Variants in TAFA2 observed in about 807,000 individuals in gnomAD.
The protein encoded by TAFA2 is TAFA chemokine like family member 2, also known as chemokine-like protein TAFA-2.
A neutral mutation model predicts 18.8 loss-of-function variants in TAFA2; 7 were observed. The observed-to-expected ratio is 0.37, with a 90% CI of 0.21 to 0.70. The LOEUF (loss-of-function observed/expected upper bound fraction) is 0.70. Among genes scored for constraint, TAFA2 ranks in the 30% least tolerant of loss-of-function variants. TAFA2 has a pLI of 0.53. For synonymous variants in TAFA2, 60 were observed against 54.2 expected (o/e 1.11, Z -0.47); for missense variants, 122 against 158.1 (o/e 0.77, Z 1.23).
chr12:61,853,908 A>G (rs77912376), intron 2 of TAFA2, among the ~76,000 whole-genome samples: 3,563 of 152,208 alleles, frequency 0.023, 114 homozygotes, highest in African/African-American at 0.079. Context: ...AACTGCTTTC[A>G]CCCCTCAGCT....
chr12:61,930,003 TGTGGG>T (rs1470538832), intron 1 of TAFA2, among the ~76,000 whole-genome samples: 2 of 134,262 alleles, frequency 1.5e-5, no homozygotes, highest in African/African-American at 6.6e-5. Flanking sequence ...TGGGGACTGT[TGTGGG>T]GTGGGGGTAG....
At chr12:62,065,368 C>T (rs1404252605) in intron 1 of TAFA2, among the ~76,000 whole-genome samples, 1 of 151,994 alleles carries the variant, frequency 6.6e-6, no homozygotes, top group East Asian at 1.9e-4. Context: ...ATCAAATATT[C>T]AGCAACCTAT....
intron 1 of TAFA2, among the ~76,000 whole-genome samples, chr12:62,158,282 G>A (rs1373137684): frequency 2.0e-5 from 3 of 152,158 alleles, no homozygotes; most frequent in African/African-American, 7.2e-5. Flanking sequence ...TATTTGGAAA[G>A]GAATAAGCTG....
chr12:62,215,518 A>G (rs542506104), intron 1 of TAFA2, among the ~76,000 whole-genome samples: 1 of 139,996 alleles, frequency 7.1e-6, no homozygotes, highest in African/African-American at 2.6e-5. Context: ...GGGAAAATTT[A>G]CTGCAGCCAC....
At chr12:62,104,321 A>G (rs771333985) in intron 1 of TAFA2, among the ~76,000 whole-genome samples, 18 of 152,038 alleles carry the variant, frequency 1.2e-4, no homozygotes, top group Non-Finnish European at 2.2e-4. Flanking sequence ...TTTTTACATA[A>G]TATTGATTAA....
intron 1 of TAFA2, among the ~76,000 whole-genome samples, chr12:62,031,916 C>T (rs1410839668): frequency 2.6e-5 from 4 of 152,074 alleles, no homozygotes; most frequent in East Asian, 1.9e-4. Context: ...TTAGTTTATC[C>T]GATAAGAAAA....
At chr12:61,868,599 C>T (rs1874457615) in intron 1 of TAFA2, among the ~76,000 whole-genome samples, 1 of 152,088 alleles carries the variant, frequency 6.6e-6, no homozygotes, top group Non-Finnish European at 1.5e-5. Flanking sequence ...CCAAAACATT[C>T]TATCTCCAAA....
Position 62,231,633 on chromosome 12 carries a change from C to A in TAFA2, c.-130+27130G>T, listed in dbSNP as rs377410021. 2.6e-5 allele frequency among the ~76,000 whole-genome samples: 4 copies of A among 151,744 alleles called. No individual in the cohort carries two copies. The East Asian group carries it at 7.7e-4, about 29-fold the overall frequency. The stretch of plus-strand genomic sequence containing the variant: ...GTTACATGTTTTTTGTTTTTTTTAA[C>A]AAAATTTTCCAAATTTTATTAAGAC... On this transcript the variant is annotated intron_variant, in intron 1 of 5. Coordinates refer to the TAFA2 transcript ENST00000551619.
intron 2 of TAFA2, among the ~76,000 whole-genome samples, chr12:61,773,918 C>A (rs952611535): frequency 5.9e-5 from 9 of 151,684 alleles, no homozygotes; most frequent in Non-Finnish European, 8.8e-5. Flanking sequence ...GACAGACAAC[C>A]CACAGAGTGG....
chr12:62,174,175 C>G (rs1051369140), intron 1 of TAFA2, among the ~76,000 whole-genome samples: 2 of 151,922 alleles, frequency 1.3e-5, no homozygotes, highest in African/African-American at 4.8e-5. Flanking sequence ...GCCTGTAGTC[C>G]CAGCTACTCA....
chr12:62,179,693 T>C (rs759282707), intron 1 of TAFA2, among the ~76,000 whole-genome samples: 2 of 152,198 alleles, frequency 1.3e-5, no homozygotes, highest in Non-Finnish European at 2.9e-5. Context: ...AATGGATTTA[T>C]TCTTTTCTAA....
At chr12:61,993,502 G>GT (rs1880079746) in intron 1 of TAFA2, among the ~76,000 whole-genome samples, 1 of 152,094 alleles carries the variant, frequency 6.6e-6, no homozygotes, top group Non-Finnish European at 1.5e-5. Context: ...GTTAAATGAT[G>GT]TATTACCTTG....
intron 1 of TAFA2, among the ~76,000 whole-genome samples, chr12:62,105,604 A>G (rs1304845380): frequency 2.0e-5 from 3 of 152,190 alleles, no homozygotes; most frequent in Non-Finnish European, 4.4e-5. Context: ...ACTTACCAAA[A>G]TTTCAAATCA....
chr12:61,889,885 A>G (rs1244414772), intron 1 of TAFA2, among the ~76,000 whole-genome samples: 1 of 152,172 alleles, frequency 6.6e-6, no homozygotes, highest in Non-Finnish European at 1.5e-5. Context: ...CCACTTCCCC[A>G]TCAACCACTG....
At chr12:62,100,515 A>ATT (rs1869147620) in intron 1 of TAFA2, among the ~76,000 whole-genome samples, 1 of 152,180 alleles carries the variant, frequency 6.6e-6, no homozygotes, top group South Asian at 2.1e-4. Flanking sequence ...TCCAGCAATG[A>ATT]TTTATGGACT....
intron 1 of TAFA2, among the ~76,000 whole-genome samples, chr12:62,207,445 G>A (rs887585831): frequency 3.9e-5 from 6 of 151,922 alleles, no homozygotes; most frequent in African/African-American, 1.5e-4. Flanking sequence ...GACATGGTCT[G>A]TAAAATTATC....
chr12:61,971,403 G>C (rs557893265), intron 1 of TAFA2, among the ~76,000 whole-genome samples: 1 of 151,612 alleles, frequency 6.6e-6, no homozygotes, highest in South Asian at 2.1e-4. Flanking sequence ...CGAGTTAATG[G>C]GTACAGCACA....
chr12:61,737,644 C>G (rs1183710845), intron 4 of TAFA2, among the ~76,000 whole-genome samples: 1 of 151,630 alleles, frequency 6.6e-6, no homozygotes, highest in Non-Finnish European at 1.5e-5. Flanking sequence ...TATCTTATTA[C>G]ACTGCTATGA....
intron 1 of TAFA2, among the ~76,000 whole-genome samples, chr12:62,120,863 T>C (rs1870161343): frequency 6.6e-6 from 1 of 151,548 alleles, no homozygotes; most frequent in African/African-American, 2.4e-5. Flanking sequence ...TATTTATTTA[T>C]TTATTTTTGG....
Sources: allele counts gnomAD v4.1 joint callset (sites outside exome capture counted in the v4.1 genomes callset), GRCh38; gene constraint gnomAD v4.1.1; transcripts MANE v1.5; gene names NCBI Gene and HGNC (gene_info 2026-07-23, HGNC 2026-07-21).